The following AVEN variants were observed in gnomAD, a reference collection of about 807,000 sequenced individuals.
AVEN encodes cell death regulator Aven.
AVEN carries 41 observed loss-of-function variants against 38.1 expected under a neutral mutation model. The observed-to-expected ratio is 1.08, with a 90% CI of 0.84 to 1.40. The LOEUF (loss-of-function observed/expected upper bound fraction) is 1.40, where lower values mean the gene tolerates loss of function less well. Among genes scored for constraint, AVEN ranks in the 40% most tolerant of loss-of-function variants. AVEN has a pLI of 0.00. For synonymous variants in AVEN, 206 were observed against 171.8 expected, an observed-to-expected ratio of 1.20 and a Z score of -1.56; for missense variants, 605 against 438.8, an observed-to-expected ratio of 1.38 and a Z score of -3.38.
At position 33,903,517 on chromosome 15, in the gene AVEN, T is replaced by C. The variant is rs572853747; in HGVS notation, c.446-27522A>G. On this transcript the variant is annotated intron_variant, in intron 2 of 5. Transcript: ENST00000306730. ...CTGCAGCTTGCAACTAAGACCCTGA[T>C]TGATACAGCATCTTGGTCTCCCTTA... is the stretch of plus-strand genomic sequence containing the variant. 1.1e-4 allele frequency among the ~76,000 whole-genome samples: 16 copies of C among 152,366 alleles called. 1 individual carries two copies. The South Asian group carries it at 2.1e-3, about 20-fold the overall frequency.
intron 3 of AVEN, among the ~76,000 whole-genome samples, chr15:33,873,605 T>TTA (rs1204557066): frequency 6.7e-6 from 1 of 148,748 alleles, no homozygotes; most frequent in African/African-American, 2.5e-5. Context: ...GTATTATATA[T>TTA]TATATATATC....
chr15:33,854,649 C>T, downstream of AVEN: 1 of 1,348,628 alleles, frequency 7.4e-7, no homozygotes, highest in Middle Eastern at 1.9e-4. Flanking sequence ...GCTCACAGCA[C>T]CTCAGCACCT....
intron 2 of AVEN, among the ~76,000 whole-genome samples, chr15:33,922,540 T>C (rs1893438352): frequency 6.6e-6 from 1 of 152,194 alleles, no homozygotes; most frequent in Non-Finnish European, 1.5e-5. Context: ...GCTCAAGAGA[T>C]GCTCCCGCCT....
At chr15:33,929,124 T>C (rs1279390454) in intron 2 of AVEN, among the ~76,000 whole-genome samples, 1 of 152,132 alleles carries the variant, frequency 6.6e-6, no homozygotes, top group Non-Finnish European at 1.5e-5. Context: ...CTTAGAACCA[T>C]GGAGTTGGAG....
downstream of AVEN, among the ~76,000 whole-genome samples, chr15:33,857,583 G>A (rs115456958): frequency 0.011 from 1,617 of 152,146 alleles, 33 homozygotes; most frequent in African/African-American, 0.038. Context: ...CAGGAAGCCC[G>A]CTTCTCTTTA....
chr15:33,926,744 G>A (rs956567689), intron 2 of AVEN, among the ~76,000 whole-genome samples: 1 of 152,090 alleles, frequency 6.6e-6, no homozygotes, highest in Non-Finnish European at 1.5e-5. Context: ...AACCTCCACT[G>A]CCTGGGTTCA....
intron 2 of AVEN, among the ~76,000 whole-genome samples, chr15:33,904,712 T>TACACACACACACACACAC (rs1394478053): frequency 0.16 from 21,331 of 136,644 alleles, 2,147 homozygotes; most frequent in Admixed American, 0.23. Context: ...TATATATATA[T>TACACACACACACACACAC]ATATACACAC....
At chr15:34,026,407 G>A (rs1011010429) in intron 1 of AVEN, among the ~76,000 whole-genome samples, 1 of 152,056 alleles carries the variant, frequency 6.6e-6, no homozygotes, top group Non-Finnish European at 1.5e-5. Flanking sequence ...TATATTAAAG[G>A]GGAGGAAAGG....
At position 34,009,350 on chromosome 15, in the gene AVEN, T is replaced by C. The variant is rs549985524; in HGVS notation, c.268-6141A>G. Among the ~76,000 whole-genome samples, 3 of 152,326 alleles carry C rather than the reference T, an allele frequency of 2.0e-5. No individual in the cohort carries two copies. In the East Asian group the frequency reaches 5.8e-4, roughly 29 times the overall value. ...ATCCACATGAAAAAACCAGTAATTA[T>C]GTAACTATAAAATATCACATAAATG... is the stretch of plus-strand genomic sequence containing the variant. On this transcript the variant is annotated intron_variant, in intron 1 of 5. Transcript: ENST00000306730.
At chr15:33,952,683 G>C (rs1894797199) in intron 2 of AVEN, among the ~76,000 whole-genome samples, 1 of 151,866 alleles carries the variant, frequency 6.6e-6, no homozygotes, top group South Asian at 2.1e-4. Context: ...TGAGATTGTT[G>C]AACTAGATGT....
At chr15:33,976,370 A>C (rs1198046251) in intron 2 of AVEN, among the ~76,000 whole-genome samples, 1 of 152,228 alleles carries the variant, frequency 6.6e-6, no homozygotes, top group African/African-American at 2.4e-5. Flanking sequence ...TTTTTTCTCT[A>C]AAATACTTTA....
intron 11 of AVEN, chr15:33,859,736 G>C: frequency 6.2e-7 from 1 of 1,603,898 alleles, no homozygotes; most frequent in Non-Finnish European, 8.5e-7. Context: ...TTCAAGGTAT[G>C]ATTGCCAATT....
chr15:33,979,971 G>T (rs558923), intron 2 of AVEN, among the ~76,000 whole-genome samples: 123,478 of 152,194 alleles, frequency 0.81, 54,972 homozygotes, highest in Non-Finnish European at 0.98. Context: ...TAAATCTCTG[G>T]TTTCTGGGTT....
intron 1 of AVEN, among the ~76,000 whole-genome samples, chr15:34,014,960 C>T (rs1008005356): frequency 6.6e-5 from 10 of 152,106 alleles, no homozygotes; most frequent in Admixed American, 2.6e-4. Context: ...TGAGGGGTGC[C>T]GGATTTGAGA....
intron 2 of AVEN, among the ~76,000 whole-genome samples, chr15:33,942,965 TA>T (rs1470578101): frequency 4.6e-5 from 7 of 152,176 alleles, no homozygotes; most frequent in African/African-American, 1.7e-4. Context: ...AACAGAAAAA[TA>T]AAAGTGAATG....
intron 2 of AVEN, chr15:33,969,007 G>T (rs1217263127): frequency 6.6e-6 from 1 of 152,082 alleles, no homozygotes; most frequent in Middle Eastern, 3.4e-3. Flanking sequence ...GGATTATCAG[G>T]AATACAGATA....
In AVEN at chr15:34,049,787, G is replaced by A. The variant is rs137983315; in HGVS notation, n.1637+13135C>T. On this transcript the variant is annotated intron_variant and non_coding_transcript_variant, in intron 5 of 11. Coordinates refer to the AVEN transcript ENST00000675287. ...AAATATTAAGGGCAGCCAGAGAGAA[G>A]GGCCAGTTCACCTACAAAAGGAAGC... Among the ~76,000 whole-genome samples the A allele has an allele frequency of 2.0e-5, 3 of 151,758 alleles. No homozygotes were observed. The East Asian group carries it at 5.8e-4, about 29-fold the overall frequency.
At chr15:34,020,419 G>A (rs2140712546) in intron 1 of AVEN, among the ~76,000 whole-genome samples, 1 of 152,276 alleles carries the variant, frequency 6.6e-6, no homozygotes, top group Non-Finnish European at 1.5e-5. Flanking sequence ...ATAAATCCAA[G>A]GAGGCAAATT....
rs2241647 is a variant in AVEN, at chr15:33,867,785, T to A, written c.683A>T (p.Gln228Leu). Reference sequence around the variant, plus strand: ...TCCAGGCCCCAAGGGCCCCTTTAACTGCATCCCTAATCCCTTGCCATCATC... The same window carrying A: ...TCCAGGCCCCAAGGGCCCCTTTAACAGCATCCCTAATCCCTTGCCATCATC... ...RTDDGKGLGMQLKGPLGPGGR... is the reference protein window; with the variant it reads ...RTDDGKGLGMLLKGPLGPGGR... The change falls in exon 5 of 6, where the codon CAG becomes CTG. Residue 228 changes from glutamine to leucine, a missense_variant. Gln to Leu is a moderately radical substitution (Grantham distance 113). Transcript: ENST00000306730. 2 of 1,613,900 alleles carry A rather than the reference T, an allele frequency of 1.2e-6. No individual in the cohort carries two copies. Among genetic ancestry groups the A allele is most frequent in the East Asian group, 4.5e-5 (2 of 44,874 alleles).
Sources: allele counts gnomAD v4.1 joint callset (sites outside exome capture counted in the v4.1 genomes callset), GRCh38; gene constraint gnomAD v4.1.1; transcripts MANE v1.5; gene names NCBI Gene and HGNC (gene_info 2026-07-23, HGNC 2026-07-21).